IGLL5: variants seen among roughly 807,000 people sequenced by gnomAD.
IGLL5 encodes the protein immunoglobulin lambda like polypeptide 5.
Under a neutral mutation model 20.9 loss-of-function variants are expected in IGLL5, and 30 were observed. The ratio of observed to expected loss-of-function variants is 1.44; its 90% CI spans 1.07 to 1.95. The LOEUF (loss-of-function observed/expected upper bound fraction) is 1.95. Ranked by LOEUF, IGLL5 falls within the 30% of genes most tolerant of loss-of-function variation. The pLI is 0.00. For synonymous variants in IGLL5, 203 were observed against 117.3 expected (o/e 1.73, Z -4.72); for missense variants, 475 against 270.7 (o/e 1.75, Z -5.30).
intron 1 of IGLL5, among the ~76,000 whole-genome samples, chr22:22,890,486 A>G (rs2146007800): frequency 6.7e-6 from 1 of 149,146 alleles, no homozygotes; most frequent in Non-Finnish European, 1.5e-5. Flanking sequence ...TTATAAGCAA[A>G]GTTTAGATGA....
rs148650930 is a variant in IGLL5, at chr22:22,895,517, C to T, written c.468C>T (p.Pro156=). The T allele has an allele frequency of 9.0e-4, 1,449 of 1,612,718 alleles. 14 individuals carry two copies. The East Asian group carries it at 0.026, about 29-fold the overall frequency. ...TGGCCTGGAAGGCAGATGGCAGCCC[C>T]GTCAAGGCGGGAGTGGAGACCACCA... ...VTVAWKADGS[P]VKAGVETTKP... is the part of the protein sequence containing the mutation. Residue 156 remains proline (P), a synonymous_variant, in exon 3 of 3, where the codon CCC becomes CCT. Coordinates refer to ENST00000526893, the MANE Select transcript of IGLL5 (RefSeq NM_001178126.2).
chr22:22,894,606 A>C (rs1031156483), intron 2 of IGLL5, among the ~76,000 whole-genome samples: 1 of 151,014 alleles, frequency 6.6e-6, no homozygotes, highest in Non-Finnish European at 1.5e-5. Flanking sequence ...ACCAGAGGGG[A>C]GTGAATGAGG....
At chr22:22,888,555 A>C (rs1409985281) in intron 1 of IGLL5, among the ~76,000 whole-genome samples, 1 of 151,346 alleles carries the variant, frequency 6.6e-6, no homozygotes, top group Non-Finnish European at 1.5e-5. Flanking sequence ...TGGGTAGGGA[A>C]GGAACAGAGG....
At chr22:22,888,723 A>G (rs540833693) in intron 1 of IGLL5, among the ~76,000 whole-genome samples, 3 of 151,376 alleles carry the variant, frequency 2.0e-5, no homozygotes, top group South Asian at 2.1e-4. Context: ...GGTCTCCCCC[A>G]AGGCTGTCTG....
At chr22:22,888,585 G>C (rs554827164) in intron 1 of IGLL5, among the ~76,000 whole-genome samples, 2 of 150,282 alleles carry the variant, frequency 1.3e-5, no homozygotes, top group South Asian at 2.3e-4. Context: ...GACATCCACA[G>C]GGGGTGGTGG....
intron 1 of IGLL5, among the ~76,000 whole-genome samples, chr22:22,889,115 A>G (rs1601606366): frequency 3.3e-5 from 5 of 151,160 alleles, no homozygotes; most frequent in South Asian, 4.2e-4. Flanking sequence ...TTTTGGAAAA[A>G]TCAGCACCGG....
At chr22:22,890,698 T>A (rs1234181577) in intron 1 of IGLL5, among the ~76,000 whole-genome samples, 1 of 150,574 alleles carries the variant, frequency 6.6e-6, no homozygotes, top group African/African-American at 2.4e-5. Flanking sequence ...TTATAGGTAG[T>A]GTTTCCAAAA....
In IGLL5 at chr22:22,887,887, G is replaced by A. The variant is rs1359140109; in HGVS notation, c.-167G>A. 2 of 668,040 alleles carry A rather than the reference G, an allele frequency of 3.0e-6. No individual in the cohort carries two copies. The highest frequency in any genetic ancestry group is 1.7e-5 in the South Asian group (1 of 57,286). The allele number at this position is 668,040 out of a possible 1,614,324, so 41.4% of individuals were successfully genotyped here. On this transcript the variant is annotated 5_prime_UTR_variant, in exon 1 of 3. Coordinates refer to ENST00000526893, the MANE Select transcript of IGLL5 (RefSeq NM_001178126.2). The stretch of plus-strand genomic sequence containing the variant: ...CCAGGGGTGACAGCCATGGACCCTG[G>A]AAGGGCCTGGGCTAGGGACAGGGAC...
At chr22:22,888,775 A>G (rs578051511) in intron 1 of IGLL5, among the ~76,000 whole-genome samples, 11 of 151,330 alleles carry the variant, frequency 7.3e-5, no homozygotes, top group South Asian at 4.2e-4. Flanking sequence ...GCCAGGCTCA[A>G]GGACACAGGG....
chr22:22,893,910 C>A (rs182473958), intron 2 of IGLL5, 92 bp downstream of exon 2: 4 of 898,196 alleles, frequency 4.5e-6, no homozygotes, highest in Admixed American at 1.8e-5. Flanking sequence ...CCCCTCTGTC[C>A]TCCCAGCCTT....
At chr22:22,889,896 C>A (rs2146001226) in intron 1 of IGLL5, among the ~76,000 whole-genome samples, 1 of 151,392 alleles carries the variant, frequency 6.6e-6, no homozygotes, top group African/African-American at 2.4e-5. Context: ...GCACCTGACC[C>A]AACTGTGTTT....
intron 2 of IGLL5, 105 bp downstream of exon 2, chr22:22,893,923 G>GCCGGCCTGTCT: frequency 1.2e-6 from 1 of 828,272 alleles, no homozygotes; most frequent in Non-Finnish European, 2.1e-6. Context: ...CCAGCCTTAA[G>GCCGGCCTGTCT]CACTGACCCT....
At chr22:22,888,472 T>C (rs549586415) in intron 1 of IGLL5, among the ~76,000 whole-genome samples, 2 of 151,452 alleles carry the variant, frequency 1.3e-5, no homozygotes, top group East Asian at 2.0e-4. Context: ...TTATTTTTCT[T>C]GATTTCTGAG....
chr22:22,895,904 G>C lies in IGLL5; in HGVS notation c.*210G>C, dbSNP rs1335240176. On this transcript the variant is annotated 3_prime_UTR_variant, in exon 3 of 3. Coordinates refer to ENST00000526893, the MANE Select transcript of IGLL5 (RefSeq NM_001178126.2). The stretch of plus-strand genomic sequence containing the variant: ...CCCGGGGTTCTCAGTGTGGGGTACA[G>C]GGAATTCTGCACCCAGTGTGAAAAT... 9.6e-6 allele frequency: 6 copies of C among 623,110 alleles called. No homozygotes were observed. The highest frequency in any genetic ancestry group is 1.7e-5 in the Non-Finnish European group (6 of 350,892). 38.6% of individuals were successfully genotyped at this position (623,110 alleles called of 1,614,324 possible).
In IGLL5 at chr22:22,895,418, C is replaced by T. The variant is rs746464678; in HGVS notation, c.369C>T (p.Ser123=). 28 of 1,608,974 alleles carry T rather than the reference C, an allele frequency of 1.7e-5. No individual in the cohort carries two copies. The highest frequency in any genetic ancestry group is 2.3e-5 in the Non-Finnish European group (27 of 1,175,758). ...CCACTGTCACTCTGTTCCCGCCCTC[C>T]TCTGAGGAGCTCCAAGCCAACAAGG... The part of the protein sequence containing the change: ...ANPTVTLFPP[S]SEELQANKAT... The change falls in exon 3 of 3, where the codon TCC becomes TCT. Residue 123 remains serine, a synonymous_variant. Coordinates refer to ENST00000526893, the MANE Select transcript of IGLL5 (RefSeq NM_001178126.2).
chr22:22,890,423 T>A (rs2067798189), intron 1 of IGLL5, among the ~76,000 whole-genome samples: 1 of 150,710 alleles, frequency 6.6e-6, no homozygotes, highest in South Asian at 2.1e-4. Flanking sequence ...TTATTGACAC[T>A]TTCTGTATCA....
intron 2 of IGLL5, 100 bp from the exon 3 acceptor site, chr22:22,895,275 C>A: frequency 1.8e-6 from 2 of 1,128,348 alleles, no homozygotes. Flanking sequence ...ACCGGATGGC[C>A]ACACTGTGAA....
intron 2 of IGLL5, among the ~76,000 whole-genome samples, chr22:22,894,878 T>G (rs529991236): frequency 1.3e-5 from 2 of 151,280 alleles, no homozygotes; most frequent in East Asian, 2.0e-4. Flanking sequence ...CTGTGAGGGA[T>G]AGGAAGCTCC....
chr22:22,894,735 G>T (rs2066690174), intron 2 of IGLL5, among the ~76,000 whole-genome samples: 1 of 151,320 alleles, frequency 6.6e-6, no homozygotes, highest in African/African-American at 2.4e-5. Context: ...CAGCTGAGGT[G>T]AAGGGTTCTG....
Sources: allele counts gnomAD v4.1 joint callset (sites outside exome capture counted in the v4.1 genomes callset), GRCh38; gene constraint gnomAD v4.1.1; transcripts MANE v1.5; gene names NCBI Gene and HGNC (gene_info 2026-07-23, HGNC 2026-07-21).